NTNG1: variants seen among roughly 807,000 people sequenced by gnomAD.
The protein encoded by NTNG1 is netrin G1, also known as netrin-G1.
NTNG1 carries 16 observed loss-of-function variants against 54.0 expected under a neutral mutation model. The ratio of observed to expected loss-of-function variants is 0.30; its 90% confidence interval spans 0.20 to 0.45. NTNG1 has a LOEUF of 0.45. Ranked by LOEUF, NTNG1 falls within the 20% of genes least tolerant of loss-of-function variation. NTNG1 has a pLI of 1.00. For missense variants in NTNG1, 530 were observed against 678.7 expected (o/e 0.78, Z 2.43); for synonymous variants, 255 against 263.1 (o/e 0.97, Z 0.30).
intron 7 of NTNG1, among the ~76,000 whole-genome samples, chr1:107,454,133 C>T (rs980535235): frequency 6.6e-6 from 1 of 152,116 alleles, no homozygotes; most frequent in African/African-American, 2.4e-5. Flanking sequence ...GCCCTCAGTA[C>T]TCATTAATGG....
At chr1:107,402,738 A>G (rs1263998860) in intron 4 of NTNG1, among the ~76,000 whole-genome samples, 1 of 152,158 alleles carries the variant, frequency 6.6e-6, no homozygotes, top group Non-Finnish European at 1.5e-5. Context: ...CCTCTGCAAT[A>G]CAAATGAATC....
intron 3 of NTNG1, among the ~76,000 whole-genome samples, chr1:107,361,929 C>T (rs1167828752): frequency 6.6e-6 from 1 of 152,128 alleles, no homozygotes; most frequent in Non-Finnish European, 1.5e-5. Flanking sequence ...TAGAGCGTGG[C>T]TGACAGGGTC....
intron 2 of NTNG1, among the ~76,000 whole-genome samples, chr1:107,287,685 G>A (rs1330039353): frequency 6.6e-6 from 1 of 152,118 alleles, no homozygotes; most frequent in African/African-American, 2.4e-5. Flanking sequence ...TGTGAAGATA[G>A]GGAGTTTGAC....
chr1:107,323,994 C>T (rs1374985489), intron 2 of NTNG1, among the ~76,000 whole-genome samples: 3 of 151,984 alleles, frequency 2.0e-5, no homozygotes, highest in East Asian at 1.9e-4. Context: ...GACAGTTGCT[C>T]GGTGCCTTCG....
intron 7 of NTNG1, among the ~76,000 whole-genome samples, chr1:107,462,391 G>A (rs1278537921): frequency 1.3e-5 from 2 of 152,180 alleles, no homozygotes; most frequent in South Asian, 4.1e-4. Context: ...CCCTCCTCAA[G>A]TCTTGGTTTC....
At chr1:107,283,731 C>T (rs1247497111) in intron 2 of NTNG1, among the ~76,000 whole-genome samples, 1 of 152,096 alleles carries the variant, frequency 6.6e-6, no homozygotes, top group Non-Finnish European at 1.5e-5. Context: ...CACATGAATC[C>T]TCATACTTGT....
At chr1:107,328,339 A>G (rs1433528516) in intron 3 of NTNG1, among the ~76,000 whole-genome samples, 1 of 152,126 alleles carries the variant, frequency 6.6e-6, no homozygotes, top group Non-Finnish European at 1.5e-5. Flanking sequence ...ATTTTAATTT[A>G]CAGGGTAATA....
At chr1:107,190,647 G>A (rs1477596247) in intron 2 of NTNG1, among the ~76,000 whole-genome samples, 3 of 151,902 alleles carry the variant, frequency 2.0e-5, no homozygotes, top group African/African-American at 7.3e-5. Flanking sequence ...TCATTGTTCA[G>A]TTCCCACCTA....
chr1:107,446,651 A>AGT (rs979068637), intron 7 of NTNG1, among the ~76,000 whole-genome samples: 49 of 152,220 alleles, frequency 3.2e-4, no homozygotes, highest in African/African-American at 1.1e-3. Context: ...CTCTCTTTTC[A>AGT]GTGTGATTGA....
intron 2 of NTNG1, among the ~76,000 whole-genome samples, chr1:107,196,177 G>A (rs1354739555): frequency 6.6e-6 from 1 of 151,896 alleles, no homozygotes; most frequent in East Asian, 1.9e-4. Context: ...CTACGTAGCA[G>A]TCACTGACTC....
At chr1:107,454,175 A>G (rs1436928718) in intron 7 of NTNG1, among the ~76,000 whole-genome samples, 3 of 152,170 alleles carry the variant, frequency 2.0e-5, no homozygotes, top group Non-Finnish European at 2.9e-5. Context: ...ATACCACACA[A>G]CAGAGAAAGA....
intron 2 of NTNG1, among the ~76,000 whole-genome samples, chr1:107,306,281 A>G: frequency 6.6e-6 from 1 of 152,258 alleles, no homozygotes; most frequent in East Asian, 1.9e-4. Context: ...TAAAGTTACT[A>G]GCGAGGTATT....
chr1:107,222,202 A>G (rs1212011510), intron 2 of NTNG1, among the ~76,000 whole-genome samples: 1 of 152,074 alleles, frequency 6.6e-6, no homozygotes, highest in African/African-American at 2.4e-5. Context: ...GGACTCCCAT[A>G]GCACCCTGTA....
intron 2 of NTNG1, among the ~76,000 whole-genome samples, chr1:107,202,722 T>A (rs1434068843): frequency 6.6e-6 from 1 of 151,926 alleles, no homozygotes; most frequent in African/African-American, 2.4e-5. Flanking sequence ...TTGCAATGCA[T>A]GCACAGATTC....
At chr1:107,480,492 A>G in intron 7 of NTNG1, 119 bp from the exon 8 acceptor site, 1 of 655,060 alleles carries the variant, frequency 1.5e-6, no homozygotes, top group Non-Finnish European at 2.6e-6. Context: ...AGGGGGGAGC[A>G]CAAAGATCGA....
intron 3 of NTNG1, among the ~76,000 whole-genome samples, chr1:107,353,637 C>T (rs1669764248): frequency 6.6e-6 from 1 of 152,204 alleles, no homozygotes; most frequent in African/African-American, 2.4e-5. Flanking sequence ...TTACCCAATT[C>T]CAAAGCTGCT....
At chr1:107,436,851 G>A in intron 7 of NTNG1, 52 bp downstream of exon 7, 2 of 1,578,046 alleles carry the variant, frequency 1.3e-6, no homozygotes, top group Non-Finnish European at 1.7e-6. Context: ...GCTGATTTCT[G>A]CTTGGCTAGG....
At chr1:107,466,082 T>C (rs1444139069) in intron 7 of NTNG1, among the ~76,000 whole-genome samples, 1 of 151,942 alleles carries the variant, frequency 6.6e-6, no homozygotes, top group Non-Finnish European at 1.5e-5. Flanking sequence ...CTGACTATAG[T>C]ATTTGCAGTT....
At chr1:107,204,809 T>C (rs1460030541) in intron 2 of NTNG1, among the ~76,000 whole-genome samples, 1 of 152,122 alleles carries the variant, frequency 6.6e-6, no homozygotes, top group Non-Finnish European at 1.5e-5. Flanking sequence ...CCCTGCAATC[T>C]CTGTACATAC....
Sources: gnomAD v4.1 joint callset for allele counts (sites outside exome capture counted in the v4.1 genomes callset) on GRCh38, gnomAD v4.1.1 for gene constraint, MANE v1.5 for transcripts, NCBI Gene and HGNC (gene_info 2026-07-23, HGNC 2026-07-21) for gene names.